The following TMEM117 variants were observed in gnomAD, a reference collection of about 807,000 sequenced individuals.
TMEM117 encodes transmembrane protein 117.
Under a neutral mutation model 52.4 loss-of-function variants are expected in TMEM117, and 27 were observed. The observed-to-expected ratio is 0.51, with a 90% CI of 0.38 to 0.71. TMEM117 has a LOEUF of 0.71. TMEM117 is among the 30% of genes least tolerant of loss of function. The pLI, the probability that TMEM117 is intolerant of heterozygous loss-of-function variation, is 0.00. For synonymous variants in TMEM117, 215 were observed against 206.3 expected (o/e 1.04, Z -0.36); for missense variants, 556 against 630.5 (o/e 0.88, Z 1.26).
chr12:44,142,870 A>T (rs1204906519), intron 3 of TMEM117, among the ~76,000 whole-genome samples: 1 of 152,170 alleles, frequency 6.6e-6, no homozygotes, highest in Non-Finnish European at 1.5e-5. Flanking sequence ...ATGCCTGATG[A>T]ACAGTAAGCA....
the TMEM117 span, among the ~76,000 whole-genome samples, chr12:43,806,770 A>G: frequency 6.6e-6 from 1 of 152,210 alleles, no homozygotes; most frequent in East Asian, 1.9e-4. Flanking sequence ...TGAAAGAATT[A>G]ATATAGACTG....
At chr12:43,977,762 A>C (rs10785491) in intron 3 of TMEM117, among the ~76,000 whole-genome samples, 148,355 of 152,136 alleles carry the variant, frequency 0.98, 72,390 homozygotes, top group East Asian at 1. Flanking sequence ...GTGGCAAAAT[A>C]GTTGAAATTG....
At chr12:44,176,514 A>T (rs558106349) in intron 4 of TMEM117, among the ~76,000 whole-genome samples, 1 of 152,176 alleles carries the variant, frequency 6.6e-6, no homozygotes, top group East Asian at 1.9e-4. Context: ...GGATCCCCAT[A>T]AAGTTGTATA....
At chr12:44,223,820 T>C (rs1949822815) in intron 5 of TMEM117, among the ~76,000 whole-genome samples, 1 of 152,076 alleles carries the variant, frequency 6.6e-6, no homozygotes, top group African/African-American at 2.4e-5. Context: ...AAACAGAAAT[T>C]CAGGTCAATG....
chr12:44,268,431 A>G (rs933534913), intron 5 of TMEM117, among the ~76,000 whole-genome samples: 1 of 152,118 alleles, frequency 6.6e-6, no homozygotes, highest in African/African-American at 2.4e-5. Flanking sequence ...GACATGAGCC[A>G]CAGCACCTGG....
At chr12:44,202,717 G>A (rs1020393656) in intron 4 of TMEM117, among the ~76,000 whole-genome samples, 1 of 151,736 alleles carries the variant, frequency 6.6e-6, no homozygotes, top group Admixed American at 6.6e-5. Flanking sequence ...AGTAGGATTG[G>A]TACTAGCTCT....
intron 3 of TMEM117, chr12:44,009,848 G>T (rs1592437198): frequency 7.3e-6 from 2 of 273,272 alleles, no homozygotes; most frequent in East Asian, 8.7e-5. Flanking sequence ...TGTGCAAAAT[G>T]GTCAGGAACT....
chr12:43,864,260 C>G (rs1283200810), intron 2 of TMEM117, among the ~76,000 whole-genome samples: 1 of 152,260 alleles, frequency 6.6e-6, no homozygotes, highest in Admixed American at 6.5e-5. Context: ...GTCCCACCCA[C>G]CGCCCAAGGG....
At chr12:44,193,973 T>C (rs1949386842) in intron 4 of TMEM117, among the ~76,000 whole-genome samples, 5 of 152,066 alleles carry the variant, frequency 3.3e-5, no homozygotes, top group Admixed American at 3.3e-4. Context: ...TAAATACAAC[T>C]AGCAGAATCA....
At chr12:44,044,026 G>A (rs1009247352) in intron 3 of TMEM117, among the ~76,000 whole-genome samples, 3 of 152,202 alleles carry the variant, frequency 2.0e-5, no homozygotes, top group Non-Finnish European at 4.4e-5. Flanking sequence ...GCCCTCCCTT[G>A]TTTTAATGTA....
chr12:44,031,866 A>G (rs913653995), intron 3 of TMEM117, among the ~76,000 whole-genome samples: 1 of 152,222 alleles, frequency 6.6e-6, no homozygotes, highest in Non-Finnish European at 1.5e-5. Context: ...TTATTTTACC[A>G]AGGCTTTGGC....
At chr12:43,924,020 C>G (rs1217515414) in intron 2 of TMEM117, among the ~76,000 whole-genome samples, 1 of 152,164 alleles carries the variant, frequency 6.6e-6, no homozygotes, top group Non-Finnish European at 1.5e-5. Context: ...GAGCCTAGAA[C>G]ACAGCACTAT....
chr12:43,953,134 G>A (rs1945251701), intron 3 of TMEM117, among the ~76,000 whole-genome samples: 1 of 151,608 alleles, frequency 6.6e-6, no homozygotes, highest in Non-Finnish European at 1.5e-5. Context: ...TGCATATTTA[G>A]TGCTTCCTTC....
rs964124713 is a variant in TMEM117 at position 44,015,348 on chromosome 12, G to C, written c.410+71006G>C. On this transcript the variant is annotated intron_variant, in intron 3 of 7. Transcript: ENST00000266534. ...GAACATATTTCTTTTGTGTCATGGT[G>C]ATCAGTGATTTTTGAATATATATAT... Among the ~76,000 whole-genome samples, 19 of 152,250 alleles carry C rather than the reference G, an allele frequency of 1.2e-4. No individual in the cohort carries two copies. In the East Asian group the frequency reaches 3.7e-3, roughly 29 times the overall value.
intron 7 of TMEM117, among the ~76,000 whole-genome samples, chr12:44,377,051 C>A (rs1951951924): frequency 1.3e-5 from 2 of 152,096 alleles, no homozygotes; most frequent in Admixed American, 1.3e-4. Context: ...TCCTCATGTT[C>A]CATTGATGAT....
chr12:44,058,275 C>T (rs543691425), intron 3 of TMEM117, among the ~76,000 whole-genome samples: 2 of 151,994 alleles, frequency 1.3e-5, no homozygotes, highest in Non-Finnish European at 2.9e-5. Flanking sequence ...TTACGTATAT[C>T]ACAAGGGATA....
At chr12:43,967,155 G>A (rs1041798017) in intron 3 of TMEM117, among the ~76,000 whole-genome samples, 9 of 148,232 alleles carry the variant, frequency 6.1e-5, no homozygotes, top group South Asian at 2.1e-4. Context: ...TGAGTGAGGC[G>A]TCATTCTGTC....
intron 4 of TMEM117, among the ~76,000 whole-genome samples, chr12:44,177,219 G>T (rs1949127645): frequency 1.3e-5 from 2 of 152,096 alleles, no homozygotes; most frequent in Non-Finnish European, 2.9e-5. Context: ...TGGACTAAAT[G>T]GTCAAGTCTC....
At chr12:44,350,225 A>G (rs1305743618) in intron 6 of TMEM117, among the ~76,000 whole-genome samples, 1 of 151,952 alleles carries the variant, frequency 6.6e-6, no homozygotes. Flanking sequence ...ATATATCTTT[A>G]TCACAATCTA....
Sources: gnomAD v4.1 joint callset for allele counts (sites outside exome capture counted in the v4.1 genomes callset) on GRCh38, gnomAD v4.1.1 for gene constraint, MANE v1.5 for transcripts, NCBI Gene and HGNC (gene_info 2026-07-23, HGNC 2026-07-21) for gene names.